Variants in CAB39L observed in about 807,000 individuals in gnomAD.
CAB39L encodes the protein calcium binding protein 39 like.
In CAB39L, 23 loss-of-function variants were observed where a neutral mutation model predicts 39.1. The observed-to-expected ratio is 0.59, with a 90% CI of 0.42 to 0.83. The LOEUF (loss-of-function observed/expected upper bound fraction) is 0.83, where lower values mean the gene tolerates loss of function less well. CAB39L is among the 40% of genes least tolerant of loss of function. The pLI is 0.00. For missense variants in CAB39L, 366 were observed against 391.9 expected, an observed-to-expected ratio of 0.93 and a Z score of 0.56; for synonymous variants, 126 against 137.2, an observed-to-expected ratio of 0.92 and a Z score of 0.57.
rs931021500 is a variant in CAB39L at position 49,426,406 on chromosome 13, T to C, written c.-32+6912A>G. Among the ~76,000 whole-genome samples the C allele has an allele frequency of 3.9e-5, 6 of 152,298 alleles. No homozygotes were observed. In the East Asian group the frequency reaches 1.2e-3, roughly 29 times the overall value. On this transcript the variant is annotated intron_variant, in intron 3 of 10. Transcript: ENST00000409308. The stretch of plus-strand genomic sequence containing the variant: ...TGTTCAAGAAGGAAACCAGAATATT[T>C]CACCCTAAAATATGCTTCTTTAAAA...
intron 3 of CAB39L, among the ~76,000 whole-genome samples, chr13:49,404,616 A>G (rs1396042840): frequency 6.6e-6 from 1 of 152,202 alleles, no homozygotes; most frequent in Non-Finnish European, 1.5e-5. Context: ...TTCTGGAATG[A>G]CAGAGATATG....
At chr13:49,398,411 T>G (rs1002384004) in intron 3 of CAB39L, among the ~76,000 whole-genome samples, 3 of 152,110 alleles carry the variant, frequency 2.0e-5, no homozygotes, top group African/African-American at 7.2e-5. Flanking sequence ...ATTACGAATA[T>G]ATATGTGCAT....
intron 10 of CAB39L, among the ~76,000 whole-genome samples, chr13:49,313,286 C>G (rs1053486785): frequency 6.6e-6 from 1 of 152,028 alleles, no homozygotes; most frequent in Admixed American, 6.6e-5. Context: ...TCGAGACCAT[C>G]CTGGCTAACA....
chr13:49,385,895 T>A (rs560712023), intron 3 of CAB39L, among the ~76,000 whole-genome samples: 1 of 152,164 alleles, frequency 6.6e-6, no homozygotes, highest in South Asian at 2.1e-4. Flanking sequence ...TGAAATATTG[T>A]GAGAATTAAC....
chr13:49,380,061 G>A (rs1025926072), intron 4 of CAB39L, among the ~76,000 whole-genome samples: 4 of 152,174 alleles, frequency 2.6e-5, no homozygotes, highest in African/African-American at 7.2e-5. Context: ...AGATGGTCTC[G>A]ATCTCCTGAA....
intron 10 of CAB39L, among the ~76,000 whole-genome samples, chr13:49,330,729 C>CA (rs1954667544): frequency 1.4e-5 from 2 of 147,836 alleles, no homozygotes; most frequent in East Asian, 3.9e-4. Flanking sequence ...AAAAAAGAAC[C>CA]AAAAAAATCT....
At chr13:49,358,579 G>A (rs1940927967) in intron 6 of CAB39L, among the ~76,000 whole-genome samples, 1 of 152,174 alleles carries the variant, frequency 6.6e-6, no homozygotes, top group Admixed American at 6.5e-5. Context: ...GAGGCAAAGA[G>A]GCCAGGCGCA....
intron 5 of CAB39L, 121 bp from the exon 6 acceptor site, chr13:49,359,953 C>CA (rs1185561849): frequency 3.0e-5 from 17 of 566,210 alleles, no homozygotes; most frequent in Middle Eastern, 9.3e-4. Context: ...TTCTAATATG[C>CA]AAAAAAACGT....
chr13:49,340,921 G>C (rs1954987571), intron 8 of CAB39L, among the ~76,000 whole-genome samples: 2 of 152,298 alleles, frequency 1.3e-5, no homozygotes, highest in South Asian at 4.1e-4. Context: ...AATTACACAA[G>C]AAGTGATATA....
chr13:49,347,753 A>G (rs928883774), intron 7 of CAB39L, among the ~76,000 whole-genome samples: 15 of 152,068 alleles, frequency 9.9e-5, no homozygotes, highest in African/African-American at 3.6e-4. Context: ...CGGGGTGAGA[A>G]ACAGCCACTC....
intron 1 of CAB39L, among the ~76,000 whole-genome samples, chr13:49,437,667 T>C (rs1484516179): frequency 6.6e-6 from 1 of 152,224 alleles, no homozygotes; most frequent in Non-Finnish European, 1.5e-5. Context: ...TTTCCCTGCA[T>C]GCCCATAGAC....
intron 10 of CAB39L, among the ~76,000 whole-genome samples, chr13:49,326,521 G>A (rs1480030545): frequency 6.6e-6 from 1 of 152,170 alleles, no homozygotes; most frequent in East Asian, 1.9e-4. Flanking sequence ...ACATTTTCAG[G>A]ACTGGGTTCC....
intron 3 of CAB39L, among the ~76,000 whole-genome samples, chr13:49,386,943 T>C (rs1460301973): frequency 6.6e-6 from 1 of 152,148 alleles, no homozygotes; most frequent in African/African-American, 2.4e-5. Context: ...CTGGTCACTA[T>C]ATATACATCT....
At chr13:49,418,094 T>C (rs1240128886) in intron 3 of CAB39L, among the ~76,000 whole-genome samples, 1 of 152,040 alleles carries the variant, frequency 6.6e-6, no homozygotes, top group Non-Finnish European at 1.5e-5. Context: ...CAAAAACTTA[T>C]ACATGAATGT....
intron 1 of CAB39L, among the ~76,000 whole-genome samples, chr13:49,440,715 AGTGT>A (rs56314282): frequency 0.39 from 52,677 of 135,100 alleles, 10,831 homozygotes; most frequent in Non-Finnish European, 0.49. Context: ...ATTCCTAGGC[AGTGT>A]GTGTGTGTGT....
At chr13:49,386,414 A>G (rs1189388132) in intron 3 of CAB39L, among the ~76,000 whole-genome samples, 1 of 152,168 alleles carries the variant, frequency 6.6e-6, no homozygotes, top group Non-Finnish European at 1.5e-5. Flanking sequence ...CTAGGGATAG[A>G]GCCACAAACA....
chr13:49,417,304 A>G (rs1056005820), intron 3 of CAB39L, among the ~76,000 whole-genome samples: 1 of 152,194 alleles, frequency 6.6e-6, no homozygotes, highest in Non-Finnish European at 1.5e-5. Flanking sequence ...CTGCAATTCA[A>G]TTTCAGAACA....
At chr13:49,403,505 A>C (rs1006741258) in intron 3 of CAB39L, among the ~76,000 whole-genome samples, 3 of 152,170 alleles carry the variant, frequency 2.0e-5, no homozygotes, top group Admixed American at 6.5e-5. Context: ...AAAATCGATC[A>C]TTAGAAAAAG....
chr13:49,442,731 C>T (rs1957549241), intron 1 of CAB39L, among the ~76,000 whole-genome samples: 1 of 135,648 alleles, frequency 7.4e-6, no homozygotes, highest in Non-Finnish European at 1.5e-5. Flanking sequence ...GGCAGAGTTG[C>T]AGTGAGCCGA....
Sources: gnomAD v4.1 joint callset for allele counts (sites outside exome capture counted in the v4.1 genomes callset) on GRCh38, gnomAD v4.1.1 for gene constraint, MANE v1.5 for transcripts, NCBI Gene and HGNC (gene_info 2026-07-23, HGNC 2026-07-21) for gene names.